WDR27: variants seen among roughly 807,000 people sequenced by gnomAD.
WDR27 encodes the protein WD repeat-containing protein 27.
In WDR27, 100 loss-of-function variants were observed where a neutral mutation model predicts 114.4. The ratio of observed to expected loss-of-function variants is 0.87; its 90% CI spans 0.74 to 1.03. The LOEUF (loss-of-function observed/expected upper bound fraction) is 1.03, where lower values mean the gene tolerates loss of function less well. Ranked by LOEUF, WDR27 falls within the 50% of genes least tolerant of loss-of-function variation. The pLI is 0.00. For synonymous variants in WDR27, 449 were observed against 423.1 expected (o/e 1.06, Z -0.75); for missense variants, 1,129 against 1,092.9 (o/e 1.03, Z -0.47).
At chr6:169,695,837 G>A (rs1480986450) in intron 1 of WDR27, among the ~76,000 whole-genome samples, 1 of 152,202 alleles carries the variant, frequency 6.6e-6, no homozygotes, top group Non-Finnish European at 1.5e-5. Flanking sequence ...AAGCTAGAGA[G>A]AGAAGAGTTG....
At chr6:169,458,429 C>T (rs904199699) in intron 25 of WDR27, among the ~76,000 whole-genome samples, 1 of 137,906 alleles carries the variant, frequency 7.3e-6, no homozygotes, top group African/African-American at 3.1e-5. Flanking sequence ...TTGAAGGAGT[C>T]AGCGCCCTTG....
At chr6:169,639,473 GT>G in intron 17 of WDR27, among the ~76,000 whole-genome samples, 1 of 148,022 alleles carries the variant, frequency 6.8e-6, no homozygotes, top group East Asian at 1.9e-4. Flanking sequence ...GAAGAAAAAA[GT>G]GAAAAAAAAA....
At chr6:169,676,364 T>G (rs938378159) in intron 2 of WDR27, among the ~76,000 whole-genome samples, 1 of 152,218 alleles carries the variant, frequency 6.6e-6, no homozygotes, top group African/African-American at 2.4e-5. Context: ...TAACGTGGCT[T>G]ACTTTCCAAC....
intron 25 of WDR27, among the ~76,000 whole-genome samples, chr6:169,514,518 C>CTA (rs1029222980): frequency 2.5e-5 from 3 of 120,066 alleles, no homozygotes; most frequent in Non-Finnish European, 3.4e-5. Context: ...TTTTCCCCAA[C>CTA]TATATATATA....
chr6:169,465,183 G>C (rs570549802), intron 25 of WDR27, among the ~76,000 whole-genome samples: 1 of 150,820 alleles, frequency 6.6e-6, no homozygotes, highest in African/African-American at 2.4e-5. Context: ...ACTTGAACCT[G>C]GGAGGTGGAG....
At chr6:169,622,791 T>C (rs576461473) in intron 21 of WDR27, among the ~76,000 whole-genome samples, 2 of 152,290 alleles carry the variant, frequency 1.3e-5, no homozygotes, top group South Asian at 4.1e-4. Context: ...ACTGAGACAG[T>C]GAAAGAAACC....
At chr6:169,685,998 A>G (rs1438602536) in intron 2 of WDR27, among the ~76,000 whole-genome samples, 2 of 152,200 alleles carry the variant, frequency 1.3e-5, no homozygotes, top group East Asian at 3.8e-4. Context: ...CTAACAGCAT[A>G]TTTTTCAGCA....
chr6:169,509,740 A>T (rs904136750), intron 25 of WDR27, among the ~76,000 whole-genome samples: 6 of 152,174 alleles, frequency 3.9e-5, no homozygotes, highest in Admixed American at 2.0e-4. Context: ...CATGTCTAAA[A>T]CACCAAAAGC....
intron 2 of WDR27, among the ~76,000 whole-genome samples, chr6:169,681,561 G>C (rs1356893147): frequency 1.3e-5 from 2 of 152,190 alleles, no homozygotes; most frequent in Non-Finnish European, 2.9e-5. Flanking sequence ...CCTTGAGCCT[G>C]AAAACAAAAC....
At chr6:169,444,316 T>TA in the WDR27 span, among the ~76,000 whole-genome samples, 1 of 152,224 alleles carries the variant, frequency 6.6e-6, no homozygotes, top group Non-Finnish European at 1.5e-5. Context: ...TGGTCTCCTC[T>TA]AAAAAGAATG....
chr6:169,433,734 A>G, the WDR27 span, among the ~76,000 whole-genome samples: 1 of 152,190 alleles, frequency 6.6e-6, no homozygotes, highest in Non-Finnish European at 1.5e-5. Context: ...CTGTTTCTCC[A>G]CATCTTCTCC....
chr6:169,504,686 G>A (rs1416443331), intron 25 of WDR27, among the ~76,000 whole-genome samples: 1 of 152,024 alleles, frequency 6.6e-6, no homozygotes, highest in East Asian at 1.9e-4. Flanking sequence ...TTGGCTCACT[G>A]CAGCTTCAAT....
At chr6:169,574,696 G>C (rs769138513) in intron 24 of WDR27, among the ~76,000 whole-genome samples, 1 of 152,154 alleles carries the variant, frequency 6.6e-6, no homozygotes, top group Admixed American at 6.5e-5. Context: ...GTGTGTGGTG[G>C]GGGCCGGCGC....
chr6:169,545,199 G>C (rs913911186), intron 25 of WDR27, among the ~76,000 whole-genome samples: 12 of 152,010 alleles, frequency 7.9e-5, no homozygotes, highest in Middle Eastern at 3.4e-3. Flanking sequence ...TTGGTGAAGA[G>C]ACAAAGACAG....
chr6:169,572,875 CTACT>C (rs1386113892), intron 24 of WDR27, among the ~76,000 whole-genome samples: 2 of 152,166 alleles, frequency 1.3e-5, no homozygotes, highest in Non-Finnish European at 2.9e-5. Flanking sequence ...CATCAAAACA[CTACT>C]TATAGTACCA....
chr6:169,629,834 G>A (rs1282392631), intron 21 of WDR27, among the ~76,000 whole-genome samples: 1 of 151,192 alleles, frequency 6.6e-6, no homozygotes, highest in East Asian at 2.0e-4. Context: ...GGCTGAGGCA[G>A]GAGTATCGCT....
chr6:169,600,665 A>T (rs1371557496), intron 23 of WDR27, among the ~76,000 whole-genome samples: 1 of 152,250 alleles, frequency 6.6e-6, no homozygotes, highest in Non-Finnish European at 1.5e-5. Flanking sequence ...TACGTGACGA[A>T]TGCACAAGCC....
intron 25 of WDR27, among the ~76,000 whole-genome samples, chr6:169,478,916 G>T (rs1329021212): frequency 6.6e-6 from 1 of 152,136 alleles, no homozygotes; most frequent in Non-Finnish European, 1.5e-5. Flanking sequence ...AATTCAAAAT[G>T]GACTAAAGAT....
chr6:169,682,283 T>C (rs1326960212), intron 2 of WDR27, among the ~76,000 whole-genome samples: 1 of 152,132 alleles, frequency 6.6e-6, no homozygotes, highest in East Asian at 1.9e-4. Flanking sequence ...TAGAAAACTA[T>C]CCACGGACTC....
Sources: gnomAD v4.1 joint callset for allele counts (sites outside exome capture counted in the v4.1 genomes callset) on GRCh38, gnomAD v4.1.1 for gene constraint, MANE v1.5 for transcripts, NCBI Gene and HGNC (gene_info 2026-07-23, HGNC 2026-07-21) for gene names.